Variants in SPOCK1 observed in about 807,000 individuals in gnomAD.
SPOCK1 encodes the protein SPARC (osteonectin), cwcv and kazal like domains proteoglycan 1, also known as testican-1.
Under a neutral mutation model 55.3 loss-of-function variants are expected in SPOCK1, and 23 were observed. The observed-to-expected ratio is 0.42, with a 90% CI of 0.30 to 0.59. The LOEUF (loss-of-function observed/expected upper bound fraction) is 0.59, where lower values mean the gene tolerates loss of function less well. SPOCK1 is among the 20% of genes least tolerant of loss of function. The pLI, the probability that SPOCK1 is intolerant of heterozygous loss-of-function variation, is 0.22. For synonymous variants in SPOCK1, 226 were observed against 221.0 expected, an observed-to-expected ratio of 1.02 and a Z score of -0.20; for missense variants, 499 against 552.5, an observed-to-expected ratio of 0.90 and a Z score of 0.97.
chr5:137,162,053 T>G (rs1754567117), intron 3 of SPOCK1, among the ~76,000 whole-genome samples: 1 of 152,156 alleles, frequency 6.6e-6, no homozygotes, highest in Non-Finnish European at 1.5e-5. Context: ...TTTCTTTCTT[T>G]CTTTTCCTCC....
chr5:136,976,450 G>A lies in SPOCK1; in HGVS notation c.*2204C>T, dbSNP rs1750616624. On this transcript the variant is annotated 3_prime_UTR_variant, in exon 11 of 11. Transcript: ENST00000394945. ...GATAATTAGGCAAATTAAAATCAGT[G>A]GTTCACCCTGTTCCTAGAAGTTTTT... The A allele has an allele frequency of 6.6e-6, 1 of 152,428 alleles. No individual in the cohort carries two copies. Among genetic ancestry groups the A allele is most frequent in the Admixed American group, 6.6e-5 (1 of 15,266 alleles). 9.4% of individuals were successfully genotyped at this position (152,428 alleles called of 1,614,324 possible). A position where few individuals can be genotyped will look rare whatever the true frequency, so the allele number is the denominator to read the frequency against.
At chr5:137,363,715 A>AG (rs1382549024) in intron 2 of SPOCK1, among the ~76,000 whole-genome samples, 3 of 152,206 alleles carry the variant, frequency 2.0e-5, no homozygotes, top group African/African-American at 7.2e-5. Context: ...AAATAAATAC[A>AG]GGGGGATAAA....
At chr5:137,470,562 C>G (rs1753717948) in intron 2 of SPOCK1, among the ~76,000 whole-genome samples, 1 of 152,164 alleles carries the variant, frequency 6.6e-6, no homozygotes, top group Non-Finnish European at 1.5e-5. Flanking sequence ...CCTCGAGACC[C>G]CACCATGCCC....
At chr5:137,206,426 G>T (rs1755521737) in intron 3 of SPOCK1, among the ~76,000 whole-genome samples, 1 of 152,192 alleles carries the variant, frequency 6.6e-6, no homozygotes, top group Admixed American at 6.5e-5. Flanking sequence ...AGAAACAAGA[G>T]TCCTTAGCAT....
intron 2 of SPOCK1, among the ~76,000 whole-genome samples, chr5:137,315,301 C>G (rs1757859273): frequency 6.6e-6 from 1 of 152,224 alleles, no homozygotes; most frequent in Non-Finnish European, 1.5e-5. Flanking sequence ...AATTCTCTCT[C>G]CATCTCATCT....
At chr5:137,214,926 C>G (rs982784649) in intron 3 of SPOCK1, among the ~76,000 whole-genome samples, 3 of 152,108 alleles carry the variant, frequency 2.0e-5, no homozygotes, top group African/African-American at 7.2e-5. Context: ...CTCAATGTAA[C>G]CATTACAAGG....
intron 3 of SPOCK1, among the ~76,000 whole-genome samples, chr5:137,248,328 T>C (rs922669703): frequency 6.6e-6 from 1 of 152,196 alleles, no homozygotes; most frequent in African/African-American, 2.4e-5. Context: ...AATTCATTCA[T>C]TGATCTGTTC....
At chr5:137,466,863 G>A (rs144096138) in intron 2 of SPOCK1, among the ~76,000 whole-genome samples, 106 of 152,332 alleles carry the variant, frequency 7.0e-4, no homozygotes, top group African/African-American at 2.4e-3. Context: ...TCTCTGGGTC[G>A]GGAATATGAG....
intron 3 of SPOCK1, among the ~76,000 whole-genome samples, chr5:137,261,055 C>T (rs556971238): frequency 1.3e-4 from 20 of 152,202 alleles, no homozygotes; most frequent in East Asian, 5.8e-4. Flanking sequence ...TTCCCACAAA[C>T]GAGGCCAGCT....
At chr5:137,335,528 T>C (rs940306005) in intron 2 of SPOCK1, among the ~76,000 whole-genome samples, 3 of 152,230 alleles carry the variant, frequency 2.0e-5, no homozygotes, top group African/African-American at 7.2e-5. Context: ...TATGAAATAA[T>C]TGGCCAAGAG....
intron 2 of SPOCK1, among the ~76,000 whole-genome samples, chr5:137,352,711 G>A (rs1327319035): frequency 2.0e-5 from 3 of 152,116 alleles, no homozygotes; most frequent in Non-Finnish European, 4.4e-5. Flanking sequence ...AGGCATTTAA[G>A]TCAGAAATAA....
chr5:137,054,452 G>A (rs1445618009), intron 6 of SPOCK1, among the ~76,000 whole-genome samples: 1 of 152,174 alleles, frequency 6.6e-6, no homozygotes, highest in Non-Finnish European at 1.5e-5. Flanking sequence ...AAGGTCAGGG[G>A]GACAGGAGTC....
At chr5:137,470,633 C>T (rs535760852) in intron 2 of SPOCK1, among the ~76,000 whole-genome samples, 1 of 152,246 alleles carries the variant, frequency 6.6e-6, no homozygotes, top group South Asian at 2.1e-4. Context: ...ATGCACTCTG[C>T]GGCCCATGGA....
chr5:137,161,978 A>C (rs1009305830), intron 3 of SPOCK1, among the ~76,000 whole-genome samples: 1 of 152,174 alleles, frequency 6.6e-6, no homozygotes, highest in Non-Finnish European at 1.5e-5. Context: ...GTGTGAATTC[A>C]GATCCCCAGC....
At chr5:137,323,098 G>T (rs187918579) in intron 2 of SPOCK1, among the ~76,000 whole-genome samples, 37 of 152,256 alleles carry the variant, frequency 2.4e-4, no homozygotes, top group African/African-American at 7.7e-4. Context: ...AAACACTGCT[G>T]CACTGGGGAT....
intron 3 of SPOCK1, among the ~76,000 whole-genome samples, chr5:137,175,053 A>C (rs749178997): frequency 1.4e-4 from 22 of 152,200 alleles, no homozygotes; most frequent in Non-Finnish European, 3.1e-4. Flanking sequence ...TCTACAGTTC[A>C]GTCCTGCCCT....
intron 3 of SPOCK1, among the ~76,000 whole-genome samples, chr5:137,188,172 C>T (rs1304866725): frequency 6.6e-6 from 1 of 152,228 alleles, no homozygotes. Flanking sequence ...CAAGATCCCA[C>T]GTATGTGGCC....
chr5:137,485,963 A>G (rs919868882), intron 2 of SPOCK1, among the ~76,000 whole-genome samples: 5 of 152,194 alleles, frequency 3.3e-5, no homozygotes, highest in Non-Finnish European at 5.9e-5. Context: ...TGGGACATTT[A>G]TAATGTGCAC....
At chr5:137,389,452 C>T (rs1751668930) in intron 2 of SPOCK1, among the ~76,000 whole-genome samples, 1 of 152,208 alleles carries the variant, frequency 6.6e-6, no homozygotes, top group Non-Finnish European at 1.5e-5. Context: ...CTGAAGTGAA[C>T]CAGAAGCAGG....
Sources: allele counts gnomAD v4.1 joint callset (sites outside exome capture counted in the v4.1 genomes callset), GRCh38; gene constraint gnomAD v4.1.1; transcripts MANE v1.5; gene names NCBI Gene and HGNC (gene_info 2026-07-23, HGNC 2026-07-21).